The following ST3GAL4 variants were observed in gnomAD, a reference collection of about 807,000 sequenced individuals.
ST3GAL4 encodes the protein CMP-N-acetylneuraminate-beta-galactosamide-alpha-2,3-sialyltransferase 4.
A neutral mutation model predicts 42.6 loss-of-function variants in ST3GAL4; 24 were observed. The observed-to-expected ratio is 0.56, with a 90% CI of 0.41 to 0.79. The LOEUF is 0.79. Ranked by LOEUF, ST3GAL4 falls within the 30% of genes least tolerant of loss-of-function variation. The probability of loss-of-function intolerance (pLI) is 0.00; values close to 1 mark genes in which losing one functional copy is unlikely to be tolerated. For missense variants in ST3GAL4, 311 were observed against 430.8 expected, an observed-to-expected ratio of 0.72 and a Z score of 2.46; for synonymous variants, 135 against 163.2, an observed-to-expected ratio of 0.83 and a Z score of 1.32.
At chr11:126,362,348 C>A (rs996816672) in intron 1 of ST3GAL4, among the ~76,000 whole-genome samples, 9 of 151,670 alleles carry the variant, frequency 5.9e-5, no homozygotes, top group African/African-American at 2.2e-4. Context: ...TATAGGTGCC[C>A]ACCATCACAC....
intron 1 of ST3GAL4, among the ~76,000 whole-genome samples, chr11:126,389,328 G>A (rs67740177): frequency 0.17 from 25,402 of 152,042 alleles, 2,695 homozygotes; most frequent in East Asian, 0.44. Flanking sequence ...CTCATATGAC[G>A]TTAGATTTTT....
intron 1 of ST3GAL4, among the ~76,000 whole-genome samples, chr11:126,367,949 ACCAG>A (rs1952495342): frequency 6.6e-6 from 1 of 151,958 alleles, no homozygotes; most frequent in African/African-American, 2.4e-5. Flanking sequence ...GGATTTTGAG[ACCAG>A]CCTGGTCAAC....
chr11:126,406,923 C>G lies in ST3GAL4; in HGVS notation c.102-20C>G, dbSNP rs1954259812. The G allele has an allele frequency of 6.2e-7, 1 of 1,611,564 alleles. No individual in the cohort carries two copies. Among genetic ancestry groups the G allele is most frequent in the African/African-American group, 1.3e-5 (1 of 75,006 alleles). ...TGGGTCTGACTGGGGCTTCTGCCTC[C>G]TGTCCTTTTTTCTCTCCAGTTTTTA... On this transcript the variant is annotated intron_variant, in intron 3 of 10. Coordinates refer to ENST00000444328, the MANE Select transcript of ST3GAL4 (RefSeq NM_001254757.2). This position sits in a 1 kb window ranked among gnomAD's most constrained non-coding sequence, Gnocchi z 5.4.
At chr11:126,394,796 A>G (rs1355797185) in intron 1 of ST3GAL4, among the ~76,000 whole-genome samples, 1 of 123,766 alleles carries the variant, frequency 8.1e-6, no homozygotes, top group Non-Finnish European at 1.6e-5. Flanking sequence ...ATGTTTCTGT[A>G]CAGGAGTCTG....
rs2135508438 is a variant in ST3GAL4, at chr11:126,397,695, C to T, written c.-60-8401C>T. On this transcript the variant is annotated intron_variant, in intron 1 of 10. Transcript: ENST00000444328. This position sits in a 1 kb window ranked among gnomAD's most constrained non-coding sequence, Gnocchi z 5.0. ...TTTATTTGGCTCACAGTTCTGGAGG[C>T]TCGGATGTCCAAGATCTAGAGGACA... Among the ~76,000 whole-genome samples the T allele has an allele frequency of 6.6e-6, 1 of 152,278 alleles. No individual in the cohort carries two copies. The highest frequency in any genetic ancestry group is 2.1e-4 in the South Asian group (1 of 4,824).
At chr11:126,407,463 G>A in intron 5 of ST3GAL4, 111 bp from the exon 6 acceptor site, 1 of 1,555,390 alleles carries the variant, frequency 6.4e-7, no homozygotes, top group African/African-American at 1.4e-5. Flanking sequence ...CGGGTACCAG[G>A]GTCAGGGGAA....
chr11:126,407,661 G>A, intron 6 of ST3GAL4, 27 bp downstream of exon 6: 1 of 1,612,866 alleles, frequency 6.2e-7, no homozygotes, highest in Non-Finnish European at 8.5e-7. Context: ...ACTCCAGTCT[G>A]GGCACCTTCT....
chr11:126,404,847 G>T (rs1954157034), intron 1 of ST3GAL4, among the ~76,000 whole-genome samples: 1 of 152,248 alleles, frequency 6.6e-6, no homozygotes, highest in African/African-American at 2.4e-5. Flanking sequence ...CTGGGAATGA[G>T]CCCGCTGGGG....
chr11:126,407,410 C>T (rs1293103800), intron 5 of ST3GAL4, 61 bp downstream of exon 5: 2 of 1,586,690 alleles, frequency 1.3e-6, no homozygotes, highest in Admixed American at 3.3e-5. Flanking sequence ...GCTTCCTATT[C>T]TCTGCCGTCC....
rs1953249770 is a variant in ST3GAL4 at position 126,386,971 on chromosome 11, C to T, written c.-60-19125C>T. Reference sequence around the variant, plus strand: ...TTGGCAAGTAGGAGGAGGGCTGGAGCCCAGCCTCACTTGCTGCCCTGGCCA... The same window carrying T: ...TTGGCAAGTAGGAGGAGGGCTGGAGTCCAGCCTCACTTGCTGCCCTGGCCA... On this transcript the variant is annotated intron_variant, in intron 1 of 10. Transcript: ENST00000444328. The surrounding 1 kb of genome is among the most constrained non-coding windows in gnomAD (Gnocchi z 4.7). 6.6e-6 allele frequency among the ~76,000 whole-genome samples: 1 copy of T among 152,118 alleles called. No individual in the cohort carries two copies. The highest frequency in any genetic ancestry group is 2.1e-4 in the South Asian group (1 of 4,820).
Position 126,391,700 on chromosome 11 carries a change from G to A in ST3GAL4, c.-60-14396G>A, listed in dbSNP as rs1188454790. ...GGTGTGGACCCAGCAGCCAGGAGGA[G>A]AGCTGAGTGTGATTGGGGTCGTGGT... On this transcript the variant is annotated intron_variant, in intron 1 of 10. Coordinates refer to ENST00000444328, the MANE Select transcript of ST3GAL4 (RefSeq NM_001254757.2). The surrounding 1 kb of genome is among the most constrained non-coding windows in gnomAD (Gnocchi z 5.5). Among the ~76,000 whole-genome samples, 5 of 152,190 alleles carry A rather than the reference G, an allele frequency of 3.3e-5. No individual in the cohort carries two copies. The highest frequency in any genetic ancestry group is 1.5e-5 in the Non-Finnish European group (1 of 68,042).
intron 1 of ST3GAL4, chr11:126,403,560 C>G (rs1040345414): frequency 7.7e-6 from 4 of 518,450 alleles, no homozygotes; most frequent in Non-Finnish European, 9.9e-6. Context: ...ATAAACATCT[C>G]GGAGAGTGGG....
chr11:126,390,820 C>T (rs4390359), intron 1 of ST3GAL4, among the ~76,000 whole-genome samples: 77,263 of 151,592 alleles, frequency 0.51, 19,838 homozygotes, highest in African/African-American at 0.56. Flanking sequence ...TGAAACATCC[C>T]ACCCACTAGT....
At chr11:126,362,570 T>G (rs1952282594) in intron 1 of ST3GAL4, among the ~76,000 whole-genome samples, 1 of 152,188 alleles carries the variant, frequency 6.6e-6, no homozygotes, top group Non-Finnish European at 1.5e-5. Flanking sequence ...ACTCTATAAA[T>G]GCTGGCTGGT....
rs1176942612 is a variant in ST3GAL4 at position 126,407,707 on chromosome 11, C to T, written c.341+73C>T. On this transcript the variant is annotated intron_variant, in intron 6 of 10. Coordinates refer to ENST00000444328, the MANE Select transcript of ST3GAL4 (RefSeq NM_001254757.2). Reference sequence around the variant, plus strand: ...GCCCCCTGCCCGCTCCCCCCACTCCCCACCCCCCCGCTCTGTGAAACAGTC... The same window carrying T: ...GCCCCCTGCCCGCTCCCCCCACTCCTCACCCCCCCGCTCTGTGAAACAGTC... The T allele has an allele frequency of 5.6e-6, 8 of 1,427,570 alleles. No individual in the cohort carries two copies. In the East Asian group the frequency reaches 1.2e-4, roughly 21 times the overall value. 88.4% of individuals were successfully genotyped at this position (1,427,570 alleles called of 1,614,324 possible). A position where few individuals can be genotyped will look rare whatever the true frequency, so the allele number is the denominator to read the frequency against.
At position 126,373,488 on chromosome 11, in the gene ST3GAL4, C is replaced by G. The variant is rs140373354; in HGVS notation, c.-61+17646C>G. Among the ~76,000 whole-genome samples, 14 of 152,294 alleles carry G rather than the reference C, an allele frequency of 9.2e-5. No homozygotes were observed. The East Asian group carries it at 2.7e-3, about 29-fold the overall frequency. ...TCAGAATGGAATTCAAAGCCTCTGC[C>G]CCTCCCAGGCAGACACCAAGGTATG... On this transcript the variant is annotated intron_variant, in intron 1 of 10. Transcript: ENST00000444328. The surrounding 1 kb of genome is among the most constrained non-coding windows in gnomAD (Gnocchi z 5.5).
chr11:126,408,887 G>C (rs1387499421), intron 8 of ST3GAL4: 8 of 396,760 alleles, frequency 2.0e-5, no homozygotes, highest in Non-Finnish European at 3.7e-5. Context: ...TCCCCAGAAA[G>C]AGTTCACTAC....
Position 126,406,215 on chromosome 11 carries a change from C to T in ST3GAL4, c.16+44C>T. 6.4e-7 allele frequency: 1 copy of T among 1,554,400 alleles called. No individual in the cohort carries two copies. The highest frequency in any genetic ancestry group is 8.7e-7 in the Non-Finnish European group (1 of 1,149,158). ...CTCCCCCACCCTGGAGGACAGGCCT[C>T]AGAAGCCGTCTTCAGCAGGATCCTG... On this transcript the variant is annotated intron_variant, in intron 2 of 10. Coordinates refer to ENST00000444328, the MANE Select transcript of ST3GAL4 (RefSeq NM_001254757.2). This position sits in a 1 kb window ranked among gnomAD's most constrained non-coding sequence, Gnocchi z 5.4.
chr11:126,357,035 T>C (rs769173369), intron 1 of ST3GAL4, among the ~76,000 whole-genome samples: 3 of 152,206 alleles, frequency 2.0e-5, no homozygotes, highest in Non-Finnish European at 4.4e-5. Context: ...TCACTATTGG[T>C]AATATTTCTC....
Sources: allele counts gnomAD v4.1 joint callset (sites outside exome capture counted in the v4.1 genomes callset), GRCh38; gene constraint gnomAD v4.1.1; non-coding constraint Gnocchi (gnomAD v3.1); transcripts MANE v1.5; gene names NCBI Gene and HGNC (gene_info 2026-07-23, HGNC 2026-07-21).